MAST4: variants seen among roughly 807,000 people sequenced by gnomAD.
MAST4 encodes microtubule associated serine/threonine kinase family member 4, also known as microtubule-associated serine/threonine-protein kinase 4.
Under a neutral mutation model 162.7 loss-of-function variants are expected in MAST4, and 89 were observed. The ratio of observed to expected loss-of-function variants is 0.55; its 90% CI spans 0.46 to 0.65. The LOEUF is 0.65. MAST4 is among the 30% of genes least tolerant of loss of function. The pLI is 0.00. For synonymous variants in MAST4, 1,479 were observed against 1,361.1 expected, an observed-to-expected ratio of 1.09 and a Z score of -1.91; for missense variants, 3,153 against 3,374.0, an observed-to-expected ratio of 0.93 and a Z score of 1.62.
chr5:66,865,791 T>A (rs1416738538), intron 3 of MAST4, among the ~76,000 whole-genome samples: 1 of 152,078 alleles, frequency 6.6e-6, no homozygotes, highest in Non-Finnish European at 1.5e-5. Flanking sequence ...AATCTGGAAA[T>A]AGGCCAGGTG....
chr5:66,689,650 C>A (rs769887094), intron 1 of MAST4, among the ~76,000 whole-genome samples: 3 of 152,144 alleles, frequency 2.0e-5, no homozygotes, highest in Non-Finnish European at 2.9e-5. Context: ...CTGCCCTTGT[C>A]CAATGTACGC....
At chr5:67,061,182 G>C (rs941100488) in intron 5 of MAST4, among the ~76,000 whole-genome samples, 11 of 151,558 alleles carry the variant, frequency 7.3e-5, no homozygotes, top group African/African-American at 2.7e-4. Context: ...GTGTCCATCT[G>C]AACATGTGAC....
At chr5:66,957,483 C>CT (rs563292348) in intron 4 of MAST4, among the ~76,000 whole-genome samples, 28 of 152,004 alleles carry the variant, frequency 1.8e-4, no homozygotes, top group Non-Finnish European at 3.1e-4. Context: ...TTTTGTGATG[C>CT]TTTTTTCTAC....
intron 1 of MAST4, among the ~76,000 whole-genome samples, chr5:66,719,012 A>G (rs896423551): frequency 1.3e-5 from 2 of 152,220 alleles, no homozygotes; most frequent in African/African-American, 4.8e-5. Flanking sequence ...CCTAAGCAAC[A>G]TCCAATTTCC....
chr5:66,707,466 C>T (rs1384098245), intron 1 of MAST4, among the ~76,000 whole-genome samples: 4 of 152,158 alleles, frequency 2.6e-5, no homozygotes, highest in Admixed American at 1.3e-4. Flanking sequence ...TGAATTTTCT[C>T]ATAGTTCTGG....
At chr5:66,609,347 A>G (rs1348007837) in intron 1 of MAST4, among the ~76,000 whole-genome samples, 2 of 151,224 alleles carry the variant, frequency 1.3e-5, no homozygotes, top group Non-Finnish European at 2.9e-5. Context: ...CTATTTGCAT[A>G]GTTAAATTGA....
intron 4 of MAST4, among the ~76,000 whole-genome samples, chr5:67,039,418 G>C (rs1756445333): frequency 6.6e-6 from 1 of 152,182 alleles, no homozygotes; most frequent in Non-Finnish European, 1.5e-5. Flanking sequence ...GGAATCCAGG[G>C]ACACAGTGAA....
chr5:67,118,601 A>G (rs969601243), intron 12 of MAST4, 81 bp from the exon 13 acceptor site: 28 of 850,916 alleles, frequency 3.3e-5, no homozygotes, highest in Admixed American at 1.3e-4. Context: ...GGGAGAAACT[A>G]TTTTTCTTTT....
chr5:66,676,695 A>C (rs957294068), intron 1 of MAST4, among the ~76,000 whole-genome samples: 3 of 152,200 alleles, frequency 2.0e-5, no homozygotes, highest in African/African-American at 7.2e-5. Flanking sequence ...GGCTGCCATA[A>C]CACAAGTGGC....
intron 1 of MAST4, among the ~76,000 whole-genome samples, chr5:66,684,075 C>T (rs141821319): frequency 1.3e-3 from 196 of 152,210 alleles, no homozygotes; most frequent in African/African-American, 4.5e-3. Flanking sequence ...CTAATGTGGC[C>T]GTCTATTTTA....
intron 2 of MAST4, among the ~76,000 whole-genome samples, chr5:66,774,691 T>G (rs1013913801): frequency 3.3e-5 from 5 of 152,238 alleles, no homozygotes; most frequent in Non-Finnish European, 7.3e-5. Flanking sequence ...CTTGTGCATT[T>G]CTCATTCTAA....
chr5:66,808,595 C>T (rs1210173015), intron 3 of MAST4, among the ~76,000 whole-genome samples: 1 of 152,158 alleles, frequency 6.6e-6, no homozygotes, highest in African/African-American at 2.4e-5. Context: ...CCTTGAAGCC[C>T]AGCCAGTGTC....
chr5:66,922,211 TG>T (rs1222391055), intron 4 of MAST4, among the ~76,000 whole-genome samples: 5 of 152,360 alleles, frequency 3.3e-5, no homozygotes, highest in Admixed American at 2.0e-4. Context: ...ATTGTAAATC[TG>T]CTGTAATTGT....
chr5:66,624,864 G>C (rs553875258), intron 1 of MAST4, among the ~76,000 whole-genome samples: 1 of 152,282 alleles, frequency 6.6e-6, no homozygotes, highest in East Asian at 1.9e-4. Flanking sequence ...AACTCAAAAT[G>C]GATGAAAGAC....
chr5:66,982,436 T>G (rs566632036), intron 4 of MAST4, among the ~76,000 whole-genome samples: 107 of 152,292 alleles, frequency 7.0e-4, no homozygotes, highest in African/African-American at 2.5e-3. Flanking sequence ...CTAGGAAAAT[T>G]ATGTCATAAA....
chr5:66,963,713 T>G, intron 4 of MAST4: 1 of 779,782 alleles, frequency 1.3e-6, no homozygotes, highest in Non-Finnish European at 2.4e-6. Context: ...TCAGTCTCAC[T>G]CCCAGGAGCC....
chr5:67,000,746 C>T (rs958593383), intron 4 of MAST4, among the ~76,000 whole-genome samples: 1 of 114,170 alleles, frequency 8.8e-6, no homozygotes, highest in African/African-American at 3.0e-5. Flanking sequence ...GAAACTCTGT[C>T]TAAAAAAAAA....
At chr5:66,635,235 G>A (rs894047571) in intron 1 of MAST4, among the ~76,000 whole-genome samples, 4 of 152,098 alleles carry the variant, frequency 2.6e-5, no homozygotes, top group African/African-American at 7.3e-5. Context: ...CCGTGCCAGA[G>A]TGAAAGAGCT....
At position 67,004,945 on chromosome 5, in the gene MAST4, A is replaced by G. The variant is rs1175073131; in HGVS notation, c.675-49459A>G. 4.1e-6 allele frequency: 3 copies of G among 725,720 alleles called. No homozygotes were observed. The South Asian group carries it at 4.4e-5, about 11-fold the overall frequency. 45.0% of individuals were successfully genotyped at this position (725,720 alleles called of 1,614,324 possible). ...TTCTTCCTTTTTTTTACCTCTCCCC[A>G]TTTTAGTCATATGGCCTTGAACCCA... On this transcript the variant is annotated intron_variant, in intron 4 of 28. Coordinates refer to ENST00000403625, the MANE Select transcript of MAST4 (RefSeq NM_001164664.2).
Sources: allele counts gnomAD v4.1 joint callset (sites outside exome capture counted in the v4.1 genomes callset), GRCh38; gene constraint gnomAD v4.1.1; transcripts MANE v1.5; gene names NCBI Gene and HGNC (gene_info 2026-07-23, HGNC 2026-07-21).